ZNF469: variants seen among roughly 807,000 people sequenced by gnomAD.
ZNF469 encodes zinc finger protein 469.
ZNF469 carries 1 observed loss-of-function variant against 1.0 expected under a neutral mutation model. The ratio of observed to expected loss-of-function variants is 1.00; its 90% confidence interval spans 0.35 to 4.73. The LOEUF (loss-of-function observed/expected upper bound fraction) is 4.73, where lower values mean the gene tolerates loss of function less well. Ranked by LOEUF, ZNF469 falls within the 30% of genes most tolerant of loss-of-function variation. ZNF469 has a pLI of 0.16. For missense variants in ZNF469, 6,100 were observed against 5,356.3 expected (o/e 1.14, Z -4.33); for synonymous variants, 2,703 against 2,363.4 (o/e 1.14, Z -4.17).
the ZNF469 span, among the ~76,000 whole-genome samples, chr16:88,109,408 C>A: frequency 2.0e-5 from 3 of 152,376 alleles, 1 homozygote; most frequent in South Asian, 6.2e-4. Context: ...GGGACCCAGG[C>A]ATGAGGCTTC....
At chr16:88,409,965 A>G (rs1404832991) in intron 1 of ZNF469, among the ~76,000 whole-genome samples, 1 of 151,422 alleles carries the variant, frequency 6.6e-6, no homozygotes, top group East Asian at 1.9e-4. Context: ...AAGATGGTGA[A>G]GCAGGGTGCG....
the ZNF469 span, among the ~76,000 whole-genome samples, chr16:88,173,639 A>G: frequency 6.6e-6 from 1 of 152,246 alleles, no homozygotes; most frequent in Non-Finnish European, 1.5e-5. Flanking sequence ...AAAACAATTT[A>G]TTTTGGGGTT....
the ZNF469 span, among the ~76,000 whole-genome samples, chr16:88,101,234 G>A: frequency 5.3e-5 from 8 of 152,240 alleles, no homozygotes; most frequent in African/African-American, 9.6e-5. Context: ...GCAGGGGAAC[G>A]TGCCATCCGG....
chr16:88,393,930 G>C (rs753415978), intron 1 of ZNF469, among the ~76,000 whole-genome samples: 1 of 152,254 alleles, frequency 6.6e-6, no homozygotes, highest in African/African-American at 2.4e-5. Flanking sequence ...GGAAGGAGGG[G>C]CTCATGCTAC....
chr16:88,148,261 T>C, the ZNF469 span, among the ~76,000 whole-genome samples: 6 of 152,094 alleles, frequency 3.9e-5, no homozygotes, highest in Admixed American at 3.9e-4. Flanking sequence ...AGAGACTCCC[T>C]CGGGGCCTCG....
the ZNF469 span, chr16:88,192,132 C>G: frequency 6.6e-6 from 1 of 152,302 alleles, no homozygotes; most frequent in East Asian, 1.9e-4. Context: ...GAAGCCAAGT[C>G]AGCCATACCT....
chr16:88,230,501 G>A, the ZNF469 span, among the ~76,000 whole-genome samples: 16 of 151,994 alleles, frequency 1.1e-4, no homozygotes, highest in Non-Finnish European at 2.1e-4. Flanking sequence ...CTAGAGGAGC[G>A]GAACGTGGAA....
At chr16:88,239,665 T>A in the ZNF469 span, among the ~76,000 whole-genome samples, 36 of 73,228 alleles carry the variant, frequency 4.9e-4, 1 homozygote, top group African/African-American at 1.7e-3. Context: ...TTTTTTTTTT[T>A]TGTATATATA....
chr16:88,365,273 G>A, the ZNF469 span, among the ~76,000 whole-genome samples: 2 of 152,220 alleles, frequency 1.3e-5, no homozygotes, highest in South Asian at 2.1e-4. Flanking sequence ...GCCTTTTCTG[G>A]TTTATGTTGC....
the ZNF469 span, among the ~76,000 whole-genome samples, chr16:88,373,039 C>A: frequency 8.5e-4 from 129 of 152,388 alleles, no homozygotes; most frequent in African/African-American, 2.8e-3. Flanking sequence ...TCCTCTTCAT[C>A]CCTTCCTAAC....
chr16:88,412,340 C>A (rs1370704763), intron 1 of ZNF469, among the ~76,000 whole-genome samples: 1 of 152,066 alleles, frequency 6.6e-6, no homozygotes. Flanking sequence ...ACTGCAGGCA[C>A]CTCGCTTAAC....
the ZNF469 span, among the ~76,000 whole-genome samples, chr16:88,298,495 G>A: frequency 6.6e-6 from 1 of 152,208 alleles, no homozygotes; most frequent in African/African-American, 2.4e-5. Context: ...CTGAGACCCT[G>A]GAAGGCGAAA....
At position 88,434,886 on chromosome 16, in the gene ZNF469, G is replaced by C. The variant is rs909876853; in HGVS notation, c.7416G>C (p.Val2472=). 6 of 1,550,362 alleles carry C rather than the reference G, an allele frequency of 3.9e-6. No individual in the cohort carries two copies. In the Admixed American group the frequency reaches 1.2e-4, roughly 30 times the overall value. The change falls in exon 3 of 3, where the codon GTG becomes GTC. Residue 2472 remains valine (V), a synonymous_variant. Coordinates refer to ENST00000565624, the MANE Select transcript of ZNF469 (RefSeq NM_001367624.2). The part of the protein sequence containing the change: ...QWKGQAPHGP[V]TCEVCAASFR... Reference sequence around the variant, plus strand: ...AGGGCCAAGCTCCACATGGGCCTGTGACCTGTGAGGTCTGCGCAGCCTCCT... The same window carrying C: ...AGGGCCAAGCTCCACATGGGCCTGTCACCTGTGAGGTCTGCGCAGCCTCCT...
chr16:88,353,022 C>A, the ZNF469 span, among the ~76,000 whole-genome samples: 1 of 152,164 alleles, frequency 6.6e-6, no homozygotes, highest in Non-Finnish European at 1.5e-5. Flanking sequence ...CCCAGGCAGG[C>A]CCCGGTGAGA....
upstream of ZNF469, among the ~76,000 whole-genome samples, chr16:88,381,127 CAG>C (rs1432724082): frequency 6.8e-6 from 1 of 147,706 alleles, no homozygotes; most frequent in Non-Finnish European, 1.5e-5. Flanking sequence ...CACGCACACA[CAG>C]ACATGCACTC....
chr16:88,378,856 T>G (rs765866237), upstream of ZNF469, among the ~76,000 whole-genome samples: 5 of 152,212 alleles, frequency 3.3e-5, no homozygotes, highest in Non-Finnish European at 5.9e-5. Flanking sequence ...ACGTCCCACA[T>G]GCCACATCTC....
upstream of ZNF469, among the ~76,000 whole-genome samples, chr16:88,380,553 GCACT>G (rs2092519455): frequency 9.5e-6 from 1 of 104,932 alleles, no homozygotes; most frequent in Non-Finnish European, 1.9e-5. Context: ...ACACAGACAT[GCACT>G]CACACACAGA....
intron 1 of ZNF469, among the ~76,000 whole-genome samples, chr16:88,389,983 GC>G (rs963948561): frequency 1.3e-5 from 2 of 152,226 alleles, no homozygotes; most frequent in Admixed American, 6.5e-5. Context: ...CCTGCGGAGG[GC>G]CCCGCTACGC....
At chr16:88,145,733 C>A in the ZNF469 span, among the ~76,000 whole-genome samples, 1 of 152,248 alleles carries the variant, frequency 6.6e-6, no homozygotes, top group East Asian at 1.9e-4. Context: ...CCCGTCGCTG[C>A]AGGCTTAGGG....
Sources: allele counts gnomAD v4.1 joint callset (sites outside exome capture counted in the v4.1 genomes callset), GRCh38; gene constraint gnomAD v4.1.1; transcripts MANE v1.5; gene names NCBI Gene and HGNC (gene_info 2026-07-23, HGNC 2026-07-21).